The following FAT3 variants were observed in gnomAD, a reference collection of about 807,000 sequenced individuals.
FAT3 encodes the protein FAT atypical cadherin 3.
In FAT3, 95 loss-of-function variants were observed where a neutral mutation model predicts 310.2. The ratio of observed to expected loss-of-function variants is 0.31; its 90% CI spans 0.26 to 0.36. FAT3 has a LOEUF of 0.36. Ranked by LOEUF, FAT3 falls within the 10% of genes least tolerant of loss-of-function variation. FAT3 has a pLI of 1.00. For missense variants in FAT3, 5,408 were observed against 5,715.6 expected, an observed-to-expected ratio of 0.95 and a Z score of 1.74; for synonymous variants, 2,314 against 2,192.9, an observed-to-expected ratio of 1.06 and a Z score of -1.54.
chr11:92,805,496 G>A (rs1338109561), intron 11 of FAT3, 147 bp downstream of exon 11: 2 of 758,394 alleles, frequency 2.6e-6, no homozygotes, highest in East Asian at 5.6e-5. Flanking sequence ...GTGAAGTTTA[G>A]GAAGAAATAT....
intron 2 of FAT3, among the ~76,000 whole-genome samples, chr11:92,415,582 G>A (rs1340575464): frequency 2.6e-5 from 4 of 152,162 alleles, no homozygotes; most frequent in Non-Finnish European, 5.9e-5. Flanking sequence ...AGTGGCTGTG[G>A]TTTAAGAAGA....
intron 6 of FAT3, among the ~76,000 whole-genome samples, chr11:92,773,190 G>A (rs1301858542): frequency 6.6e-6 from 1 of 152,106 alleles, no homozygotes; most frequent in Non-Finnish European, 1.5e-5. Context: ...CCACACTTTG[G>A]TTCCCAGAGG....
At position 92,853,263 on chromosome 11, in the gene FAT3, T is replaced by A. The variant is rs1393314712; in HGVS notation, c.11366-3951T>A. Among the ~76,000 whole-genome samples the A allele has an allele frequency of 2.6e-5, 4 of 152,230 alleles. No homozygotes were observed. In the East Asian group the frequency reaches 7.7e-4, roughly 29 times the overall value. ...AGGCAGCTCCAGGCGCCAGCTCAGG[T>A]ACCAGCTCTGTGTGAGGCTGCAGCT... On this transcript the variant is annotated intron_variant, in intron 19 of 27. Coordinates refer to ENST00000525166, the MANE Select transcript of FAT3 (RefSeq NM_001367949.2).
chr11:92,269,606 A>C lies in FAT3; in HGVS notation c.-18+44432A>C, dbSNP rs183309070. On this transcript the variant is annotated intron_variant, in intron 1 of 27. Coordinates refer to ENST00000525166, the MANE Select transcript of FAT3 (RefSeq NM_001367949.2). ...TGTATTAAGAGGATTTCTCATTAGAAGTTATGGCAAAAGAAAGGGTAATAA... is the reference window on the plus strand; with the variant it reads ...TGTATTAAGAGGATTTCTCATTAGACGTTATGGCAAAAGAAAGGGTAATAA... Among the ~76,000 whole-genome samples, 273 of 152,268 alleles carry C rather than the reference A, an allele frequency of 1.8e-3. 2 individuals are homozygous for C. The highest frequency in any genetic ancestry group is 1.4e-3 in the East Asian group (7 of 5,174).
chr11:92,623,424 A>G (rs1234810284), intron 3 of FAT3, among the ~76,000 whole-genome samples: 2 of 152,224 alleles, frequency 1.3e-5, no homozygotes, highest in Non-Finnish European at 1.5e-5. Context: ...ATTGCATTGA[A>G]TTGACTTGAG....
At chr11:92,598,230 A>T (rs60122881) in intron 3 of FAT3, among the ~76,000 whole-genome samples, 7,945 of 134,350 alleles carry the variant, frequency 0.059, 686 homozygotes, top group African/African-American at 0.19. Context: ...ATATATATAT[A>T]TTTTTTTTTT....
intron 4 of FAT3, among the ~76,000 whole-genome samples, chr11:92,706,222 C>T (rs1283495836): frequency 6.6e-6 from 1 of 152,022 alleles, no homozygotes; most frequent in Non-Finnish European, 1.5e-5. Flanking sequence ...ATCTTCCCAC[C>T]AGTATAAATT....
intron 1 of FAT3, among the ~76,000 whole-genome samples, chr11:92,227,114 G>T (rs1440138181): frequency 6.6e-6 from 1 of 152,200 alleles, no homozygotes; most frequent in African/African-American, 2.4e-5. Flanking sequence ...AGCGGCTGGG[G>T]TTCCTGTGCG....
At chr11:92,640,476 C>T (rs752320192) in intron 3 of FAT3, among the ~76,000 whole-genome samples, 9 of 152,118 alleles carry the variant, frequency 5.9e-5, no homozygotes, top group Non-Finnish European at 1.2e-4. Flanking sequence ...TTATTAATTA[C>T]TGCCATTATG....
chr11:92,536,491 A>G (rs1352550456), intron 3 of FAT3, among the ~76,000 whole-genome samples: 2 of 152,194 alleles, frequency 1.3e-5, no homozygotes, highest in Non-Finnish European at 2.9e-5. Context: ...GTGAATAATT[A>G]TAGCAACTAA....
chr11:92,602,803 G>A lies in FAT3; in HGVS notation c.3607+77855G>A, dbSNP rs1940095197. ...ATAGTAGATGTGTATTACGTATTAG[G>A]TTTATTCCAAGAAGAATAAAGTAGG... On this transcript the variant is annotated intron_variant, in intron 3 of 27. Coordinates refer to ENST00000525166, the MANE Select transcript of FAT3 (RefSeq NM_001367949.2). Among the ~76,000 whole-genome samples, 2 of 152,176 alleles carry A rather than the reference G, an allele frequency of 1.3e-5. 1 individual carries two copies. The highest frequency in any genetic ancestry group is 4.8e-5 in the African/African-American group (2 of 41,444).
intron 2 of FAT3, among the ~76,000 whole-genome samples, chr11:92,507,054 C>A (rs1485149129): frequency 2.0e-5 from 3 of 152,282 alleles, no homozygotes; most frequent in Non-Finnish European, 4.4e-5. Flanking sequence ...GAGGAGAATT[C>A]TTCTGTTTTC....
intron 3 of FAT3, among the ~76,000 whole-genome samples, chr11:92,660,441 G>A (rs1220160534): frequency 1.3e-5 from 2 of 152,040 alleles, no homozygotes; most frequent in African/African-American, 4.8e-5. Flanking sequence ...GGATCAGCAG[G>A]GGCTGGGCAA....
At chr11:92,272,352 T>C (rs1946145681) in intron 1 of FAT3, among the ~76,000 whole-genome samples, 1 of 152,166 alleles carries the variant, frequency 6.6e-6, no homozygotes, top group South Asian at 2.1e-4. Flanking sequence ...GCATAAACTT[T>C]GCATTCTCAT....
chr11:92,466,739 C>T lies in FAT3; in HGVS notation c.3293-57895C>T, dbSNP rs866916830. ...TAATGCTATCCCTCCCCCCTCCCCC[C>T]ACCCCACAACAGTCCCCAGAGTGTG... On this transcript the variant is annotated intron_variant, in intron 2 of 27. Coordinates refer to ENST00000525166, the MANE Select transcript of FAT3 (RefSeq NM_001367949.2). Among the ~76,000 whole-genome samples the T allele has an allele frequency of 4.2e-3, 460 of 108,546 alleles. 3 individuals carry two copies. Among genetic ancestry groups the T allele is most frequent in the African/African-American group, 0.016 (446 of 28,444 alleles). 71.2% of individuals were successfully genotyped at this position (108,546 alleles called of 152,430 possible). A position where few individuals can be genotyped will look rare whatever the true frequency, so the allele number is the denominator to read the frequency against.
chr11:92,832,894 T>G (rs1466834961), intron 14 of FAT3, among the ~76,000 whole-genome samples: 1 of 152,152 alleles, frequency 6.6e-6, no homozygotes, highest in East Asian at 1.9e-4. Context: ...ATCGGTGAGC[T>G]GGAACTGGTG....
chr11:92,607,976 T>C (rs934423952), intron 3 of FAT3, among the ~76,000 whole-genome samples: 1 of 152,126 alleles, frequency 6.6e-6, no homozygotes, highest in African/African-American at 2.4e-5. Flanking sequence ...ATCAAGTAAA[T>C]AGAGTACCTT....
chr11:92,242,286 G>A (rs1043262827), intron 1 of FAT3, among the ~76,000 whole-genome samples: 2 of 151,944 alleles, frequency 1.3e-5, no homozygotes, highest in African/African-American at 4.8e-5. Context: ...GTCTACTGAT[G>A]GTAAGGGACT....
intron 22 of FAT3, among the ~76,000 whole-genome samples, chr11:92,876,945 C>T (rs1351184384): frequency 6.6e-6 from 1 of 152,210 alleles, no homozygotes; most frequent in African/African-American, 2.4e-5. Context: ...TGGTTCCTTG[C>T]AGTAGTTACA....
Sources: allele counts gnomAD v4.1 joint callset (sites outside exome capture counted in the v4.1 genomes callset), GRCh38; gene constraint gnomAD v4.1.1; transcripts MANE v1.5; gene names NCBI Gene and HGNC (gene_info 2026-07-23, HGNC 2026-07-21).